Variants in MINDY4 observed in about 807,000 individuals in gnomAD.
The protein encoded by MINDY4 is MINDY lysine 48 deubiquitinase 4.
In MINDY4, 68 loss-of-function variants were observed where a neutral mutation model predicts 87.0. The ratio of observed to expected loss-of-function variants is 0.78; its 90% CI spans 0.64 to 0.96. The LOEUF is 0.96. Among genes scored for constraint, MINDY4 ranks in the 40% least tolerant of loss-of-function variants. MINDY4 has a pLI of 0.00. For missense variants in MINDY4, 919 were observed against 928.2 expected, an observed-to-expected ratio of 0.99 and a Z score of 0.13; for synonymous variants, 379 against 363.2, an observed-to-expected ratio of 1.04 and a Z score of -0.50.
intron 2 of MINDY4, chr7:30,780,819 T>C (rs1486582600): frequency 2.6e-5 from 4 of 152,246 alleles, no homozygotes; most frequent in African/African-American, 9.6e-5. Flanking sequence ...TAAGTCTCTC[T>C]TACTGAGAGA....
chr7:30,837,767 C>T (rs1216589634), intron 7 of MINDY4, among the ~76,000 whole-genome samples: 1 of 152,132 alleles, frequency 6.6e-6, no homozygotes, highest in Admixed American at 6.5e-5. Context: ...GCAGAGAAAA[C>T]AGGAGGGCCC....
At chr7:30,832,773 G>A (rs1423343477) in intron 6 of MINDY4, among the ~76,000 whole-genome samples, 1 of 152,126 alleles carries the variant, frequency 6.6e-6, no homozygotes, top group Non-Finnish European at 1.5e-5. Context: ...CTCCCAAAGT[G>A]TTGGGATTAC....
At chr7:30,883,114 G>A in intron 17 of MINDY4, 121 bp downstream of exon 17, 1 of 922,868 alleles carries the variant, frequency 1.1e-6, no homozygotes, top group East Asian at 2.5e-5. Flanking sequence ...ATTCAAAGAG[G>A]TGTGGTGATT....
intron 13 of MINDY4, among the ~76,000 whole-genome samples, chr7:30,867,493 T>C (rs1789975322): frequency 1.3e-5 from 2 of 152,210 alleles, no homozygotes; most frequent in Admixed American, 1.3e-4. Flanking sequence ...GGAGGCATCA[T>C]TGTACCTGTA....
intron 9 of MINDY4, among the ~76,000 whole-genome samples, chr7:30,849,840 C>T (rs924715694): frequency 6.6e-6 from 1 of 152,226 alleles, no homozygotes; most frequent in African/African-American, 2.4e-5. Context: ...CTCCAGCTAC[C>T]TCTTCCCAGC....
intron 17 of MINDY4, among the ~76,000 whole-genome samples, chr7:30,891,706 T>C (rs1455363794): frequency 6.6e-6 from 1 of 152,166 alleles, no homozygotes; most frequent in African/African-American, 2.4e-5. Context: ...AAGTAGGTTG[T>C]GGCACAAAAG....
At chr7:30,831,947 T>C (rs942831788) in intron 6 of MINDY4, among the ~76,000 whole-genome samples, 20 of 152,324 alleles carry the variant, frequency 1.3e-4, no homozygotes, top group East Asian at 1.9e-4. Context: ...ACCACTGACA[T>C]TTACAGATGG....
At chr7:30,830,499 A>C (rs1788666903) in intron 6 of MINDY4, among the ~76,000 whole-genome samples, 1 of 152,202 alleles carries the variant, frequency 6.6e-6, no homozygotes, top group Non-Finnish European at 1.5e-5. Context: ...GGAAACTTAC[A>C]ATCGTGGCAG....
At chr7:30,840,886 C>A in intron 9 of MINDY4, 38 bp downstream of exon 9, 1 of 1,570,756 alleles carries the variant, frequency 6.4e-7, no homozygotes, top group East Asian at 2.2e-5. Context: ...CTTATTTTCC[C>A]AAGTCTTCCC....
intron 5 of MINDY4, among the ~76,000 whole-genome samples, chr7:30,793,692 TCATATAATA>T (rs1005355698): frequency 1.6e-3 from 241 of 152,278 alleles, no homozygotes; most frequent in African/African-American, 5.6e-3. Flanking sequence ...GCAGGTATTC[TCATATAATA>T]CATGGTGGGG....
intron 17 of MINDY4, among the ~76,000 whole-genome samples, chr7:30,889,035 T>C (rs1790716298): frequency 1.3e-5 from 2 of 151,932 alleles, no homozygotes; most frequent in South Asian, 2.1e-4. Flanking sequence ...CTTGAAAAGA[T>C]AGAGAGGGGC....
At chr7:30,815,187 A>G (rs1470095918) in intron 5 of MINDY4, among the ~76,000 whole-genome samples, 1 of 152,182 alleles carries the variant, frequency 6.6e-6, no homozygotes, top group African/African-American at 2.4e-5. Flanking sequence ...CAACTCCTTC[A>G]GGCAGCCACT....
chr7:30,789,410 C>T (rs1787251228), intron 4 of MINDY4, among the ~76,000 whole-genome samples: 1 of 152,208 alleles, frequency 6.6e-6, no homozygotes, highest in African/African-American at 2.4e-5. Flanking sequence ...CTAGAAGGGA[C>T]ATTGTGGCCT....
intron 10 of MINDY4, 106 bp from the exon 11 acceptor site, chr7:30,852,110 C>G: frequency 3.9e-6 from 5 of 1,297,922 alleles, no homozygotes; most frequent in Non-Finnish European, 5.4e-6. Context: ...TCTCTGGAGC[C>G]ACCTTCTTAT....
chr7:30,877,144 G>C (rs556419043), intron 15 of MINDY4, among the ~76,000 whole-genome samples: 1 of 152,222 alleles, frequency 6.6e-6, no homozygotes, highest in African/African-American at 2.4e-5. Context: ...CAGGAATGTG[G>C]CTGGTGAGAA....
chr7:30,883,676 G>A lies in MINDY4; in HGVS notation c.2225+683G>A, dbSNP rs183058756. Among the ~76,000 whole-genome samples, 448 of 152,334 alleles carry A rather than the reference G, an allele frequency of 2.9e-3. 2 individuals carry two copies. The highest frequency in any genetic ancestry group is 0.01 in the African/African-American group (421 of 41,568). On this transcript the variant is annotated intron_variant, in intron 17 of 17. Transcript: ENST00000265299. The stretch of plus-strand genomic sequence containing the variant: ...TGGTGGTGCGGTAGCTGTCAGAAGT[G>A]CTCCCCTTGCCCCGGCAGGCCCTTC...
At position 30,847,733 on chromosome 7, in the gene MINDY4, C is replaced by CGTTTTT. The variant is rs146216621; in HGVS notation, c.1446-2703_1446-2698dup. On this transcript the variant is annotated intron_variant, in intron 9 of 17. Coordinates refer to ENST00000265299, the MANE Select transcript of MINDY4 (RefSeq NM_032222.3). ...GTGTGTGTGTTTTTTGTTGTTTGTT[C>CGTTTTT]GTTTTTGTTTTTGTTTTTGTTTTAG... Among the ~76,000 whole-genome samples, 145 of 151,870 alleles carry CGTTTTT rather than the reference C, an allele frequency of 9.5e-4. 1 individual carries two copies. The highest frequency in any genetic ancestry group is 8.8e-5 in the Non-Finnish European group (6 of 67,934).
chr7:30,831,406 T>A (rs1788696818), intron 6 of MINDY4, among the ~76,000 whole-genome samples: 1 of 152,108 alleles, frequency 6.6e-6, no homozygotes, highest in Non-Finnish European at 1.5e-5. Context: ...TCCCACATCA[T>A]CCCTAGTCCA....
chr7:30,888,181 G>A (rs1173418275), intron 17 of MINDY4, among the ~76,000 whole-genome samples: 1 of 152,150 alleles, frequency 6.6e-6, no homozygotes, highest in African/African-American at 2.4e-5. Flanking sequence ...TGGGGGGACA[G>A]GGCCTTATTT....
Sources: gnomAD v4.1 joint callset for allele counts (sites outside exome capture counted in the v4.1 genomes callset) on GRCh38, gnomAD v4.1.1 for gene constraint, MANE v1.5 for transcripts, NCBI Gene and HGNC (gene_info 2026-07-23, HGNC 2026-07-21) for gene names.